The following TRPS1 variants were observed in gnomAD, a reference collection of about 807,000 sequenced individuals.
TRPS1 encodes the protein zinc finger transcription factor Trps1.
Under a neutral mutation model 101.2 loss-of-function variants are expected in TRPS1, and 6 were observed. The observed-to-expected ratio is 0.06, with a 90% confidence interval of 0.03 to 0.12. The LOEUF is 0.12. Among genes scored for constraint, TRPS1 ranks in the 10% least tolerant of loss-of-function variants. TRPS1 has a pLI of 1.00. For missense variants in TRPS1, 1,363 were observed against 1,567.0 expected, an observed-to-expected ratio of 0.87 and a Z score of 2.20; for synonymous variants, 578 against 589.8, an observed-to-expected ratio of 0.98 and a Z score of 0.29.
chr8:115,661,102 G>A (rs1256620227), intron 1 of TRPS1, among the ~76,000 whole-genome samples: 3 of 151,872 alleles, frequency 2.0e-5, no homozygotes, highest in African/African-American at 4.8e-5. Flanking sequence ...ACAGAAATGA[G>A]ACTTAAAAAA....
At chr8:115,643,028 T>G (rs1818939009) in intron 1 of TRPS1, among the ~76,000 whole-genome samples, 1 of 152,090 alleles carries the variant, frequency 6.6e-6, no homozygotes, top group Admixed American at 6.6e-5. Context: ...ACATTTACAT[T>G]ACACAATGGT....
chr8:115,447,254 G>C (rs1261469521), intron 5 of TRPS1, among the ~76,000 whole-genome samples: 1 of 152,110 alleles, frequency 6.6e-6, no homozygotes, highest in Non-Finnish European at 1.5e-5. Flanking sequence ...AAGGAGCTTA[G>C]TCATGTGATT....
intron 2 of TRPS1, among the ~76,000 whole-genome samples, chr8:115,622,728 A>C (rs1486065614): frequency 6.6e-6 from 1 of 152,176 alleles, no homozygotes; most frequent in African/African-American, 2.4e-5. Flanking sequence ...TACACACACA[A>C]AAAAGATAAA....
chr8:115,478,055 T>C lies in TRPS1; in HGVS notation c.2701-59603A>G, dbSNP rs955430656. Among the ~76,000 whole-genome samples, 4 of 152,178 alleles carry C rather than the reference T, an allele frequency of 2.6e-5. No homozygotes were observed. In the East Asian group the frequency reaches 5.8e-4, roughly 22 times the overall value. ...ACATCCAAGTGTTTGATATTCCTTTTAACAAAATTACTACAAGTGGTCCTG... is the reference window on the plus strand; with the variant it reads ...ACATCCAAGTGTTTGATATTCCTTTCAACAAAATTACTACAAGTGGTCCTG... On this transcript the variant is annotated intron_variant, in intron 5 of 6. Coordinates refer to ENST00000395715, the MANE Select transcript of TRPS1 (RefSeq NM_014112.5).
chr8:115,487,334 G>A (rs367596184), intron 5 of TRPS1, among the ~76,000 whole-genome samples: 2 of 152,220 alleles, frequency 1.3e-5, no homozygotes, highest in Admixed American at 6.5e-5. Flanking sequence ...TGATGGATAT[G>A]TACAAAGAGA....
At chr8:115,523,107 GA>G (rs912145766) in intron 5 of TRPS1, among the ~76,000 whole-genome samples, 2 of 150,948 alleles carry the variant, frequency 1.3e-5, no homozygotes, top group East Asian at 1.9e-4. Flanking sequence ...GTTTAGGGGA[GA>G]AAAAAAAATT....
At chr8:115,594,635 T>G (rs1308477005) in intron 4 of TRPS1, among the ~76,000 whole-genome samples, 2 of 147,372 alleles carry the variant, frequency 1.4e-5, no homozygotes, top group Non-Finnish European at 3.0e-5. Flanking sequence ...CTTATCTACT[T>G]TATAGAATTT....
chr8:115,499,963 CT>C (rs147312877), intron 5 of TRPS1, among the ~76,000 whole-genome samples: 5,940 of 51,298 alleles, frequency 0.12, 149 homozygotes, highest in East Asian at 0.17. Flanking sequence ...TTCTTTCTTT[CT>C]TTTCTTTTCT....
chr8:115,551,235 G>A (rs934930076), intron 5 of TRPS1, among the ~76,000 whole-genome samples: 1 of 152,146 alleles, frequency 6.6e-6, no homozygotes, highest in African/African-American at 2.4e-5. Flanking sequence ...ATGATTTTAT[G>A]ATAGATTTGT....
At chr8:115,514,047 T>C (rs1165918682) in intron 5 of TRPS1, among the ~76,000 whole-genome samples, 1 of 151,636 alleles carries the variant, frequency 6.6e-6, no homozygotes, top group Non-Finnish European at 1.5e-5. Flanking sequence ...CATTGCATCA[T>C]AGTAGATTAA....
intron 5 of TRPS1, among the ~76,000 whole-genome samples, chr8:115,538,927 T>C (rs1037740810): frequency 1.3e-5 from 2 of 151,958 alleles, no homozygotes; most frequent in African/African-American, 4.8e-5. Context: ...CAACATAATA[T>C]CAAAAAAGTA....
At chr8:115,426,594 A>T (rs1156399383) in intron 5 of TRPS1, among the ~76,000 whole-genome samples, 1 of 152,184 alleles carries the variant, frequency 6.6e-6, no homozygotes, top group African/African-American at 2.4e-5. Flanking sequence ...GCCACCCTCG[A>T]GGCAGCTATA....
intron 4 of TRPS1, 46 bp from the exon 5 acceptor site, chr8:115,587,650 G>A (rs1252108535): frequency 6.2e-7 from 1 of 1,612,360 alleles, no homozygotes; most frequent in Admixed American, 1.7e-5. Context: ...GTTCTGAAGG[G>A]TTGTTTTATT....
intron 1 of TRPS1, among the ~76,000 whole-genome samples, chr8:115,653,702 C>T (rs1371738359): frequency 6.6e-6 from 1 of 152,110 alleles, no homozygotes; most frequent in African/African-American, 2.4e-5. Context: ...AAAGACAAGG[C>T]TGCCTTCTGG....
intron 5 of TRPS1, among the ~76,000 whole-genome samples, chr8:115,440,481 G>A (rs1214406648): frequency 1.3e-5 from 2 of 152,156 alleles, no homozygotes; most frequent in Non-Finnish European, 2.9e-5. Flanking sequence ...GTTGTAACAG[G>A]ACCATGTGGG....
At chr8:115,518,071 T>TG (rs1429085384) in intron 5 of TRPS1, among the ~76,000 whole-genome samples, 1 of 290 alleles carries the variant, frequency 3.4e-3, no homozygotes, top group East Asian at 0.062. Context: ...CAGAAGAACT[T>TG]CCACATGCCC....
chr8:115,524,508 A>C (rs765248817), intron 5 of TRPS1, among the ~76,000 whole-genome samples: 1 of 151,566 alleles, frequency 6.6e-6, no homozygotes, highest in Non-Finnish European at 1.5e-5. Flanking sequence ...TTTAGTAGAG[A>C]CAGGGTTTCA....
chr8:115,548,087 G>A (rs945382060), intron 5 of TRPS1, among the ~76,000 whole-genome samples: 1 of 150,822 alleles, frequency 6.6e-6, no homozygotes, highest in African/African-American at 2.4e-5. Flanking sequence ...AAAAAAATAA[G>A]TCTGGTGTGG....
At chr8:115,524,243 T>G (rs555886769) in intron 5 of TRPS1, among the ~76,000 whole-genome samples, 1 of 152,174 alleles carries the variant, frequency 6.6e-6, no homozygotes, top group African/African-American at 2.4e-5. Flanking sequence ...CATGTGCTGA[T>G]AGACCACTGT....
Sources: allele counts gnomAD v4.1 joint callset (sites outside exome capture counted in the v4.1 genomes callset), GRCh38; gene constraint gnomAD v4.1.1; transcripts MANE v1.5; gene names NCBI Gene and HGNC (gene_info 2026-07-23, HGNC 2026-07-21).